The following OR9A4 variants were observed in gnomAD, a reference collection of about 807,000 sequenced individuals.
The protein encoded by OR9A4 is olfactory receptor family 9 subfamily A member 4, also known as olfactory receptor 9A4.
OR9A4 carries 16 observed loss-of-function variants against 17.1 expected under a neutral mutation model. The ratio of observed to expected loss-of-function variants is 0.94; its 90% CI spans 0.64 to 1.43. The LOEUF is 1.43. OR9A4 is among the 40% of genes most tolerant of loss of function. The probability of loss-of-function intolerance (pLI) is 0.00; values close to 1 mark genes in which losing one functional copy is unlikely to be tolerated. For missense variants in OR9A4, 392 were observed against 382.1 expected, an observed-to-expected ratio of 1.03 and a Z score of -0.22; for synonymous variants, 167 against 143.3, an observed-to-expected ratio of 1.17 and a Z score of -1.18.
intron 1 of OR9A4, among the ~76,000 whole-genome samples, chr7:141,918,215 T>C (rs1802215950): frequency 6.6e-6 from 1 of 152,204 alleles, no homozygotes; most frequent in Admixed American, 6.5e-5. Flanking sequence ...CAAGCAATTC[T>C]CCTGCCTCAG....
chr7:141,919,822 C>G lies in OR9A4; in HGVS notation c.*2C>G. The G allele has an allele frequency of 6.3e-7, 1 of 1,598,604 alleles. No homozygotes were observed. On this transcript the variant is annotated 3_prime_UTR_variant, in exon 2 of 2. Coordinates refer to ENST00000641559, the MANE Select transcript of OR9A4 (RefSeq NM_001001656.3). ...TGCTGTCAACTATTCAGGAATTAGC[C>G]TTGCTCTGAGGACTTTTACATGGTA...
chr7:141,919,395 G>A lies in OR9A4; in HGVS notation c.520G>A (p.Val174Met). ...GCTTACTTACTGCAAATCAAATGTG[G>A]TGAACAATTTTTTTTGTGACCGAGG... ...FQLTYCKSNV[V>M]NNFFCDRGQL... is the part of the protein sequence containing the mutation. Residue 174 changes from valine to methionine, a missense_variant, in exon 2 of 2, where the codon GTG (valine) becomes ATG (methionine). Transcript: ENST00000641559. The A allele has an allele frequency of 1.2e-6, 2 of 1,614,072 alleles. No homozygotes were observed. The highest frequency in any genetic ancestry group is 1.7e-6 in the Non-Finnish European group (2 of 1,180,016).
chr7:141,919,015 T>C lies in OR9A4; in HGVS notation c.140T>C (p.Ile47Thr). The change falls in exon 2 of 2, where the codon ATT becomes ACT. Residue 47 changes from isoleucine to threonine, a missense_variant. Transcript: ENST00000641559. ...ATGGGAAACACAGTCATCATCATGA[T>C]TGTCTGTGTGGATAAACGTCTGCAG... is the stretch of plus-strand genomic sequence containing the variant. Reference protein sequence around the residue: ...TLMGNTVIIMIVCVDKRLQSP... With the variant: ...TLMGNTVIIMTVCVDKRLQSP... The C allele has an allele frequency of 6.2e-7, 1 of 1,614,142 alleles. No individual in the cohort carries two copies. Among genetic ancestry groups the C allele is most frequent in the Non-Finnish European group, 8.5e-7 (1 of 1,179,984 alleles).
rs781812905 is a variant in OR9A4, at chr7:141,919,416, C to T, written c.541C>T (p.Arg181Ter). 13 of 1,613,932 alleles carry T rather than the reference C, an allele frequency of 8.1e-6. No homozygotes were observed. Among genetic ancestry groups the T allele is most frequent in the East Asian group, 4.5e-5 (2 of 44,872 alleles). The change falls in exon 2 of 2, where the codon CGA (arginine) becomes TGA (stop). Residue 181 changes from arginine to a stop codon, truncating the protein, a stop_gained. Coordinates refer to ENST00000641559, the MANE Select transcript of OR9A4 (RefSeq NM_001001656.3). LOFTEE classifies it high-confidence loss of function. The stretch of plus-strand genomic sequence containing the variant: ...TGTGGTGAACAATTTTTTTTGTGAC[C>T]GAGGGCAATTGCTCAAACTATCCTG... ...SNVVNNFFCD[R>*]GQLLKLSCNN...
chr7:141,920,043 T>G lies in OR9A4; in HGVS notation c.*223T>G. The stretch of plus-strand genomic sequence containing the variant: ...AGACATGTCTTGCTATCTAGCTATC[T>G]ATCTATCATCTGCCTTTCTTAAGAT... On this transcript the variant is annotated 3_prime_UTR_variant, in exon 2 of 2. Transcript: ENST00000641559. 2.2e-6 allele frequency: 1 copy of G among 461,004 alleles called. No homozygotes were observed. The highest frequency in any genetic ancestry group is 3.8e-6 in the Non-Finnish European group (1 of 260,776). The allele number at this position is 461,004 out of a possible 1,614,324, so 28.6% of individuals were successfully genotyped here.
In OR9A4 at chr7:141,920,022, A is replaced by G. The variant is rs797041041; in HGVS notation, c.*202A>G. The G allele has an allele frequency of 1.8e-5, 9 of 495,086 alleles. 1 individual carries two copies. The highest frequency in any genetic ancestry group is 1.3e-4 in the African/African-American group (7 of 52,088). 30.7% of individuals were successfully genotyped at this position (495,086 alleles called of 1,614,324 possible). ...AAACTCAGTCTATTATTTTTAAGACATGTCTTGCTATCTAGCTATCTATCT... is the reference window on the plus strand; with the variant it reads ...AAACTCAGTCTATTATTTTTAAGACGTGTCTTGCTATCTAGCTATCTATCT... On this transcript the variant is annotated 3_prime_UTR_variant, in exon 2 of 2. Coordinates refer to ENST00000641559, the MANE Select transcript of OR9A4 (RefSeq NM_001001656.3).
At chr7:141,917,214 C>T (rs782642369) in intron 1 of OR9A4, among the ~76,000 whole-genome samples, 1 of 151,994 alleles carries the variant, frequency 6.6e-6, no homozygotes, top group Non-Finnish European at 1.5e-5. Context: ...AATTAATAAA[C>T]AAGTAATAGT....
intron 1 of OR9A4, 157 bp from the exon 2 acceptor site, chr7:141,918,689 G>T: frequency 1.8e-6 from 1 of 552,498 alleles, no homozygotes; most frequent in Non-Finnish European, 3.2e-6. Flanking sequence ...ATCTTCAAAA[G>T]ATATATATTC....
Position 141,919,361 on chromosome 7 carries a change from C to A in OR9A4, c.486C>A (p.Val162=), listed in dbSNP as rs1802241768. 6.2e-7 allele frequency: 1 copy of A among 1,614,134 alleles called. No individual in the cohort carries two copies. The highest frequency in any genetic ancestry group is 8.5e-7 in the Non-Finnish European group (1 of 1,180,030). The change falls in exon 2 of 2, where the codon GTC becomes GTA. Residue 162 remains valine (V), a synonymous_variant. Transcript: ENST00000641559. ...GFLFQIWPVY[V]MFQLTYCKSN... ...TTTTTCAAATCTGGCCGGTCTATGT[C>A]ATGTTTCAGCTTACTTACTGCAAAT...
At chr7:141,916,820 C>G (rs1229443960) in intron 1 of OR9A4, among the ~76,000 whole-genome samples, 184 bp downstream of exon 1, 1 of 152,166 alleles carries the variant, frequency 6.6e-6, no homozygotes, top group East Asian at 1.9e-4. Flanking sequence ...AGGGCAGAAT[C>G]ATTTCTTCTC....
In OR9A4 at chr7:141,916,636, GGTGA is replaced by G. The variant is rs1802190047; in HGVS notation, c.-31+4_-31+7del. ...TTCCAGTCCAGGCTGCTTCTCCGGA[GGTGA>G]GTGTCTTCCAGAGGGGGTTCCTTTC... On this transcript the variant is annotated splice_donor_variant and splice_donor_region_variant and intron_variant, in intron 1 of 1. Transcript: ENST00000641559. LOFTEE classifies it low-confidence loss of function (5UTR_SPLICE). 6.6e-6 allele frequency: 1 copy of G among 152,316 alleles called. No individual in the cohort carries two copies. The highest frequency in any genetic ancestry group is 6.5e-5 in the Admixed American group (1 of 15,286). 9.4% of individuals were successfully genotyped at this position (152,316 alleles called of 1,614,324 possible). A position where few individuals can be genotyped will look rare whatever the true frequency, so the allele number is the denominator to read the frequency against.
At position 141,919,402 on chromosome 7, in the gene OR9A4, AT is replaced by A. The variant is rs562194466; in HGVS notation, c.535del (p.Cys179ValfsTer23). On this transcript the variant is annotated frameshift_variant, in exon 2 of 2. Transcript: ENST00000641559. LOFTEE classifies it high-confidence loss of function. ...LTYCKSNVVN[N>X]FFCDRGQLLK... ...TACTGCAAATCAAATGTGGTGAACA[AT>A]TTTTTTTGTGACCGAGGGCAATTGC... 3 of 1,613,806 alleles carry A rather than the reference AT, an allele frequency of 1.9e-6. No homozygotes were observed. The highest frequency in any genetic ancestry group is 2.2e-5 in the East Asian group (1 of 44,864).
At position 141,919,143 on chromosome 7, in the gene OR9A4, C is replaced by T. The variant is rs534119605; in HGVS notation, c.268C>T (p.Gln90Ter). The T allele has an allele frequency of 3.1e-6, 5 of 1,614,174 alleles. No individual in the cohort carries two copies. In the African/African-American group the frequency reaches 6.7e-5, roughly 22 times the overall value. The change falls in exon 2 of 2, where the codon CAG becomes TAG. Residue 90 changes from glutamine (Q) to a stop codon, truncating the protein, a stop_gained. Coordinates refer to ENST00000641559, the MANE Select transcript of OR9A4 (RefSeq NM_001001656.3). LOFTEE classifies it high-confidence loss of function. ...MLWGLLLPGM[Q>*]TIYLSACVVQ... The stretch of plus-strand genomic sequence containing the variant: ...TTGGGGATTGCTGCTCCCTGGGATG[C>T]AGACAATATATTTGTCTGCCTGTGT...
At position 141,919,116 on chromosome 7, in the gene OR9A4, C is replaced by T. The variant is rs1554439040; in HGVS notation, c.241C>T (p.Leu81Phe). ...CACAACCATAATCGTCCCCGTGATG[C>T]TTTGGGGATTGCTGCTCCCTGGGAT... ...LVTTIIVPVM[L>F]WGLLLPGMQT... Residue 81 changes from leucine to phenylalanine, a missense_variant, in exon 2 of 2, where the codon CTT (leucine) becomes TTT (phenylalanine). Coordinates refer to ENST00000641559, the MANE Select transcript of OR9A4 (RefSeq NM_001001656.3). 6.2e-7 allele frequency: 1 copy of T among 1,614,132 alleles called. No homozygotes were observed. Among genetic ancestry groups the T allele is most frequent in the Admixed American group, 1.7e-5 (1 of 60,018 alleles).
At chr7:141,918,819 G>A (rs561109122) in intron 1 of OR9A4, 27 bp from the exon 2 acceptor site, 51 of 1,258,692 alleles carry the variant, frequency 4.1e-5, no homozygotes, top group Middle Eastern at 2.0e-4. Flanking sequence ...TAGGATAAGC[G>A]GTTGTTCTCT....
Position 141,919,259 on chromosome 7 carries a change from C to A in OR9A4, c.384C>A (p.Asn128Lys), listed in dbSNP as rs1802238270. The stretch of plus-strand genomic sequence containing the variant: ...TGGACCGTTATGTGGCTGTCTGTAA[C>A]CCTCTGAGGTACAACATCATTATGA... ...MAVDRYVAVC[N>K]PLRYNIIMNR... The change falls in exon 2 of 2, where the codon AAC (asparagine) becomes AAA (lysine). Residue 128 changes from asparagine (N) to lysine (K), a missense_variant. Asn to Lys is a moderately conservative substitution (Grantham distance 94, BLOSUM62 0). Transcript: ENST00000641559. The A allele has an allele frequency of 3.1e-6, 5 of 1,614,108 alleles. No homozygotes were observed. The East Asian group carries it at 1.1e-4, about 36-fold the overall frequency.
At position 141,919,113 on chromosome 7, in the gene OR9A4, A is replaced by C; in HGVS notation, c.238A>C (p.Met80Leu). Residue 80 changes from methionine (M) to leucine (L), a missense_variant, in exon 2 of 2, where the codon ATG (methionine) becomes CTG (leucine). Met to Leu is a conservative substitution (Grantham distance 15). Coordinates refer to ENST00000641559, the MANE Select transcript of OR9A4 (RefSeq NM_001001656.3). ...ILVTTIIVPV[M>L]LWGLLLPGMQ... ...GGTCACAACCATAATCGTCCCCGTG[A>C]TGCTTTGGGGATTGCTGCTCCCTGG... 1 of 1,614,048 alleles carries C rather than the reference A, an allele frequency of 6.2e-7. No individual in the cohort carries two copies. The highest frequency in any genetic ancestry group is 8.5e-7 in the Non-Finnish European group (1 of 1,179,982).
chr7:141,918,864 G>A lies in OR9A4; in HGVS notation c.-12G>A. The A allele has an allele frequency of 6.3e-7, 1 of 1,575,726 alleles. No individual in the cohort carries two copies. The highest frequency in any genetic ancestry group is 8.7e-7 in the Non-Finnish European group (1 of 1,154,150). ...TCTCTAGATTTCACAAGGAACAAGG[G>A]CTTAGAACTAAATGTTGATGAATTA... On this transcript the variant is annotated 5_prime_UTR_variant, in exon 2 of 2. Transcript: ENST00000641559.
intron 1 of OR9A4, among the ~76,000 whole-genome samples, chr7:141,917,050 T>C (rs1471709236): frequency 1.3e-5 from 2 of 152,196 alleles, no homozygotes; most frequent in East Asian, 1.9e-4. Context: ...CTTTAATCTA[T>C]TCATTGATAT....
Sources: gnomAD v4.1 joint callset for allele counts (sites outside exome capture counted in the v4.1 genomes callset) on GRCh38, gnomAD v4.1.1 for gene constraint, MANE v1.5 for transcripts, NCBI Gene and HGNC (gene_info 2026-07-23, HGNC 2026-07-21) for gene names.